SMG6: variants seen among roughly 807,000 people sequenced by gnomAD.
SMG6 encodes the protein SMG6 nonsense mediated mRNA decay factor.
A neutral mutation model predicts 142.2 loss-of-function variants in SMG6; 66 were observed. The ratio of observed to expected loss-of-function variants is 0.46; its 90% CI spans 0.38 to 0.57. The LOEUF (loss-of-function observed/expected upper bound fraction) is 0.57. Ranked by LOEUF, SMG6 falls within the 20% of genes least tolerant of loss-of-function variation. SMG6 has a pLI of 0.00. For synonymous variants in SMG6, 779 were observed against 702.4 expected (o/e 1.11, Z -1.72); for missense variants, 1,793 against 1,832.0 (o/e 0.98, Z 0.39).
chr17:2,089,973 C>T (rs568026459), intron 13 of SMG6, among the ~76,000 whole-genome samples: 2 of 151,892 alleles, frequency 1.3e-5, no homozygotes, highest in Non-Finnish European at 2.9e-5. Flanking sequence ...CACCTGAGGT[C>T]AGGAGTTCAA....
At chr17:2,188,073 C>T (rs1289431301) in intron 11 of SMG6, among the ~76,000 whole-genome samples, 2 of 152,112 alleles carry the variant, frequency 1.3e-5, no homozygotes, top group Non-Finnish European at 2.9e-5. Flanking sequence ...GGGGAAAACA[C>T]AACGTCGATT....
intron 12 of SMG6, among the ~76,000 whole-genome samples, chr17:2,179,047 C>T (rs996840549): frequency 3.9e-5 from 6 of 152,138 alleles, no homozygotes. Flanking sequence ...CTACGGGAGG[C>T]GTGGGGAGGG....
chr17:2,191,041 C>T (rs1732750202), intron 10 of SMG6, among the ~76,000 whole-genome samples: 1 of 152,186 alleles, frequency 6.6e-6, no homozygotes, highest in African/African-American at 2.4e-5. Context: ...ACATACTGAG[C>T]ATGTAGAATG....
chr17:2,097,366 C>T lies in SMG6; in HGVS notation c.3358-11465G>A, dbSNP rs556629139. On this transcript the variant is annotated intron_variant, in intron 13 of 18. Coordinates refer to ENST00000263073, the MANE Select transcript of SMG6 (RefSeq NM_017575.5). ...GGCATGGCTGGTCTTGAACTCTTGG[C>T]CTCAAGCAATCTGCTTGCCTCCGCC... Among the ~76,000 whole-genome samples the T allele has an allele frequency of 4.6e-5, 7 of 152,118 alleles. No individual in the cohort carries two copies. In the South Asian group the frequency reaches 6.2e-4, roughly 14 times the overall value.
At chr17:2,279,028 C>A (rs1205056563) in intron 8 of SMG6, among the ~76,000 whole-genome samples, 5 of 152,090 alleles carry the variant, frequency 3.3e-5, no homozygotes, top group Admixed American at 2.0e-4. Flanking sequence ...CTCACAGGGC[C>A]TTCAATCTAG....
intron 13 of SMG6, among the ~76,000 whole-genome samples, chr17:2,132,184 C>T (rs1208815466): frequency 1.3e-5 from 2 of 152,134 alleles, no homozygotes; most frequent in Non-Finnish European, 2.9e-5. Context: ...ATTTATTTTG[C>T]TTATTTATTT....
intron 12 of SMG6, among the ~76,000 whole-genome samples, chr17:2,183,204 T>C (rs1227930420): frequency 2.8e-5 from 4 of 143,796 alleles, no homozygotes; most frequent in Non-Finnish European, 6.0e-5. Flanking sequence ...CCACCCTGGG[T>C]AACAGAGCGA....
intron 13 of SMG6, among the ~76,000 whole-genome samples, chr17:2,109,060 G>C (rs577253176): frequency 6.6e-6 from 1 of 152,082 alleles, no homozygotes; most frequent in Non-Finnish European, 1.5e-5. Flanking sequence ...TAATTATCTG[G>C]CGTTTTCTCA....
chr17:2,286,047 A>G (rs1348830545), intron 6 of SMG6, among the ~76,000 whole-genome samples: 1 of 152,192 alleles, frequency 6.6e-6, no homozygotes, highest in Non-Finnish European at 1.5e-5. Flanking sequence ...AAAGCATCAA[A>G]AAGAATGACA....
chr17:2,151,171 C>T (rs984139908), intron 13 of SMG6, among the ~76,000 whole-genome samples: 11 of 152,236 alleles, frequency 7.2e-5, no homozygotes, highest in African/African-American at 2.4e-4. Context: ...GTCTGCACTG[C>T]TCCACAAACC....
At position 2,081,843 on chromosome 17, in the gene SMG6, T is replaced by C. The variant is rs761416263; in HGVS notation, c.3648A>G (p.Ile1216Met). The C allele has an allele frequency of 1.1e-5, 17 of 1,613,900 alleles. No individual in the cohort carries two copies. The East Asian group carries it at 3.6e-4, about 34-fold the overall frequency. ...RAKKLALARK[I>M]AEQQRRQEKI... ...TTTCCTGGCGACGCTGCTGCTCAGC[T>C]ATCTTCCTGGCCAGAGCCAGCTTCT... Residue 1216 changes from isoleucine to methionine, a missense_variant, in exon 15 of 19, where the codon ATA becomes ATG. Physicochemically the swap from Ile to Met is conservative, Grantham distance 10 (BLOSUM62 1). Transcript: ENST00000263073.
intron 12 of SMG6, among the ~76,000 whole-genome samples, chr17:2,174,099 G>A (rs1435137457): frequency 6.6e-6 from 1 of 152,190 alleles, no homozygotes; most frequent in Non-Finnish European, 1.5e-5. Context: ...TGTAAAGAGA[G>A]CTGTAAGAAT....
intron 12 of SMG6, among the ~76,000 whole-genome samples, chr17:2,184,905 C>T (rs1215632153): frequency 1.5e-5 from 2 of 131,516 alleles, no homozygotes; most frequent in Admixed American, 1.9e-4. Context: ...ACAGAGGTTG[C>T]AGCCAAGATT....
chr17:2,161,325 A>G (rs2071170759), intron 13 of SMG6, among the ~76,000 whole-genome samples: 1 of 151,836 alleles, frequency 6.6e-6, no homozygotes, highest in Admixed American at 6.6e-5. Context: ...ACTGTTCTCA[A>G]ACTCCCGACC....
chr17:2,090,755 C>T (rs771598286), intron 13 of SMG6, among the ~76,000 whole-genome samples: 14 of 152,226 alleles, frequency 9.2e-5, no homozygotes, highest in Non-Finnish European at 1.8e-4. Flanking sequence ...CCCCCACAAA[C>T]TCAAGTTTAC....
chr17:2,267,206 C>T (rs926537026), intron 8 of SMG6, among the ~76,000 whole-genome samples: 1 of 152,098 alleles, frequency 6.6e-6, no homozygotes, highest in Admixed American at 6.6e-5. Flanking sequence ...CTTACAGATA[C>T]GGAATCTTTT....
At chr17:2,190,279 G>C (rs747384210) in intron 10 of SMG6, among the ~76,000 whole-genome samples, 10 of 152,132 alleles carry the variant, frequency 6.6e-5, no homozygotes, top group Non-Finnish European at 1.0e-4. Context: ...AAGACAAGTG[G>C]AGGCCACATC....
At chr17:2,277,157 A>T (rs868413287) in intron 8 of SMG6, among the ~76,000 whole-genome samples, 54 of 97,062 alleles carry the variant, frequency 5.6e-4, no homozygotes, top group African/African-American at 1.9e-3. Flanking sequence ...TTATTTATTT[A>T]TTTATTTATT....
Position 2,300,373 on chromosome 17 carries a change from T to C in SMG6, c.380A>G (p.Gln127Arg), listed in dbSNP as rs1485817693. The stretch of plus-strand genomic sequence containing the variant: ...GATAATTTTTAGACTACGATCCTCT[T>C]GTCCAGCAGTCCTAGGAAAGGATTC... ...GQESFPRTAG[Q>R]EDRSLKIIKR... Residue 127 changes from glutamine to arginine, a missense_variant, in exon 2 of 19, where the codon CAA becomes CGA. By Grantham distance (43) the Gln-to-Arg change is conservative. This residue lies in a region of SMG6 where 1,597 missense variants were observed against 1,584.6 expected (regional missense o/e 1.01). Transcript: ENST00000263073. 10 of 1,614,036 alleles carry C rather than the reference T, an allele frequency of 6.2e-6. No homozygotes were observed. In the East Asian group the frequency reaches 6.7e-5, roughly 11 times the overall value.
Sources: gnomAD v4.1 joint callset for allele counts (sites outside exome capture counted in the v4.1 genomes callset) on GRCh38, gnomAD v4.1.1 for gene constraint, gnomAD v4.1.1 regional missense constraint, MANE v1.5 for transcripts, NCBI Gene and HGNC (gene_info 2026-07-23, HGNC 2026-07-21) for gene names.